Variants in LRP1 observed in about 807,000 individuals in gnomAD.
LRP1 encodes prolow-density lipoprotein receptor-related protein 1.
LRP1 carries 51 observed loss-of-function variants against 541.5 expected under a neutral mutation model. The observed-to-expected ratio is 0.09, with a 90% CI of 0.08 to 0.12. LRP1 has a LOEUF of 0.12. Ranked by LOEUF, LRP1 falls within the 10% of genes least tolerant of loss-of-function variation. The pLI is 1.00. For synonymous variants in LRP1, 2,219 were observed against 2,470.8 expected, an observed-to-expected ratio of 0.90 and a Z score of 3.02; for missense variants, 3,878 against 6,376.2, an observed-to-expected ratio of 0.61 and a Z score of 13.34.
chr12:57,154,746 A>C lies in LRP1; in HGVS notation c.1227+45A>C, dbSNP rs1401075550. ...AGGTTTTGTGGGGGAACCATGATCC[A>C]GGGCCTTCTGGTGAGGGGGGAAGCC... On this transcript the variant is annotated intron_variant, in intron 8 of 88. Transcript: ENST00000243077. This position sits in a 1 kb window ranked among gnomAD's most constrained non-coding sequence, Gnocchi z 4.6. 6.6e-7 allele frequency: 1 copy of C among 1,522,772 alleles called. No homozygotes were observed. Among genetic ancestry groups the C allele is most frequent in the Admixed American group, 2.0e-5 (1 of 50,968 alleles). The allele number at this position is 1,522,772 out of a possible 1,614,324, so 94.3% of individuals were successfully genotyped here.
chr12:57,132,516 G>A (rs78012789), intron 1 of LRP1, among the ~76,000 whole-genome samples: 1,581 of 152,278 alleles, frequency 0.01, 12 homozygotes, highest in Admixed American at 0.018. Flanking sequence ...CCTACTCTAG[G>A]CTCAGCGGGG....
intron 64 of LRP1, 68 bp downstream of exon 64, chr12:57,200,883 C>G (rs1280559531): frequency 1.5e-6 from 2 of 1,320,792 alleles, no homozygotes; most frequent in East Asian, 4.2e-5. Flanking sequence ...TTGGGGCTTT[C>G]AAGTGCAGGG....
intron 76 of LRP1, among the ~76,000 whole-genome samples, chr12:57,207,291 C>T (rs1321000060): frequency 4.0e-5 from 3 of 75,674 alleles, no homozygotes; most frequent in Admixed American, 1.9e-4. Flanking sequence ...AATAGAGACT[C>T]GGTCTCTAAA....
Position 57,184,764 on chromosome 12 carries a change from A to G in LRP1, c.6187-75A>G, listed in dbSNP as rs1592641278. ...CTGAGGGCCTCACTCTGGCCCAGGC[A>G]CTCCCTGCTGCCCCAGACATGGGGC... On this transcript the variant is annotated intron_variant, in intron 38 of 88. Coordinates refer to ENST00000243077, the MANE Select transcript of LRP1 (RefSeq NM_002332.3). The surrounding 1 kb of genome is among the most constrained non-coding windows in gnomAD (Gnocchi z 7.8). The G allele has an allele frequency of 6.6e-7, 1 of 1,512,654 alleles. No homozygotes were observed. Among genetic ancestry groups the G allele is most frequent in the South Asian group, 1.2e-5 (1 of 80,880 alleles). The allele number at this position is 1,512,654 out of a possible 1,614,324, so 93.7% of individuals were successfully genotyped here.
chr12:57,212,453 C>T lies in LRP1; in HGVS notation c.13533C>T (p.Tyr4511=). ...NFTNPVYATL[Y]MGGHGSRHSL... is the part of the protein sequence containing the mutation. ...CCAACCCCGTGTATGCCACACTCTA[C>T]ATGGGGGGCCATGGCAGTCGCCACT... Residue 4511 remains tyrosine, a synonymous_variant, in exon 89 of 89, where the codon TAC becomes TAT. Coordinates refer to ENST00000243077, the MANE Select transcript of LRP1 (RefSeq NM_002332.3). This position sits in a 1 kb window ranked among gnomAD's most constrained non-coding sequence, Gnocchi z 5.0. 3 of 1,614,158 alleles carry T rather than the reference C, an allele frequency of 1.9e-6. No individual in the cohort carries two copies. In the South Asian group the frequency reaches 3.3e-5, roughly 18 times the overall value.
In LRP1 at chr12:57,178,554, C is replaced by A; in HGVS notation, c.4557C>A (p.Asn1519Lys). ...GHNVTVVQRT[N>K]TQPFDLQVYH... ...ATGTCACCGTGGTACAGAGGACCAA[C>A]ACCCAGCCCTTTGACCTGCAGGTGT... The change falls in exon 27 of 89, where the codon AAC becomes AAA. Residue 1519 changes from asparagine to lysine, a missense_variant. Asn to Lys is a moderately conservative substitution (Grantham distance 94). Coordinates refer to ENST00000243077, the MANE Select transcript of LRP1 (RefSeq NM_002332.3). This position sits in a 1 kb window ranked among gnomAD's most constrained non-coding sequence, Gnocchi z 5.8. The A allele has an allele frequency of 1.2e-6, 2 of 1,614,228 alleles. No individual in the cohort carries two copies. Among genetic ancestry groups the A allele is most frequent in the Non-Finnish European group, 1.7e-6 (2 of 1,180,036 alleles).
In LRP1 at chr12:57,212,146, C is replaced by T. The variant is rs1448601011; in HGVS notation, c.13379C>T (p.Thr4460Ile). The T allele has an allele frequency of 6.2e-7, 1 of 1,614,010 alleles. No individual in the cohort carries two copies. The highest frequency in any genetic ancestry group is 1.1e-5 in the South Asian group (1 of 91,082). ...GAKGFQHQRM[T>I]NGAMNVEIGN... ...AAGGGCTTCCAGCACCAACGGATGA[C>T]CAACGGGGCCATGAACGTGGAGATT... The change falls in exon 88 of 89, where the codon ACC (threonine) becomes ATC (isoleucine). Residue 4460 changes from threonine to isoleucine, a missense_variant. By Grantham distance (89) the Thr-to-Ile change is moderately conservative. Around this residue, in one of 13 missense-constraint regions of LRP1, gnomAD observed 871 missense variants for 1,212.4 expected, o/e 0.72. Coordinates refer to ENST00000243077, the MANE Select transcript of LRP1 (RefSeq NM_002332.3). The surrounding 1 kb of genome is among the most constrained non-coding windows in gnomAD (Gnocchi z 5.0).
chr12:57,156,940 G>T lies in LRP1; in HGVS notation c.1561+20G>T. ...GCAAGAGTGAGTGACAGGGAAGGGG[G>T]TGTGTGCCCATTGGGAGGCTGCGGG... On this transcript the variant is annotated intron_variant, in intron 10 of 88. Coordinates refer to ENST00000243077, the MANE Select transcript of LRP1 (RefSeq NM_002332.3). The surrounding 1 kb of genome is among the most constrained non-coding windows in gnomAD (Gnocchi z 5.2). 1 of 1,552,368 alleles carries T rather than the reference G, an allele frequency of 6.4e-7. No homozygotes were observed. The highest frequency in any genetic ancestry group is 8.7e-7 in the Non-Finnish European group (1 of 1,145,716).
rs2036069244 is a variant in LRP1, at chr12:57,177,423, C to T, written c.4197-4C>T. ...AGCCCTCCTGACCCCTCCCCACTCC[C>T]CAGGATCCTGTTTTGGACAGACTGG... On this transcript the variant is annotated splice_region_variant and splice_polypyrimidine_tract_variant and intron_variant, in intron 25 of 88. Coordinates refer to ENST00000243077, the MANE Select transcript of LRP1 (RefSeq NM_002332.3). The surrounding 1 kb of genome is among the most constrained non-coding windows in gnomAD (Gnocchi z 6.8). 1.9e-6 allele frequency: 3 copies of T among 1,587,062 alleles called. No homozygotes were observed. Among genetic ancestry groups the T allele is most frequent in the Non-Finnish European group, 2.6e-6 (3 of 1,166,596 alleles).
Position 57,141,402 on chromosome 12 carries a change from G to A in LRP1, c.219G>A (p.Gln73=). The change falls in exon 3 of 89, where the codon CAG becomes CAA. Residue 73 remains glutamine, a synonymous_variant. Transcript: ENST00000243077. The part of the protein sequence containing the change: ...ICPQSKAQRC[Q]PNEHNCLGTE... ...CACAGAGTAAGGCCCAGCGATGCCA[G>A]CCAAACGAGCATAACTGCCTGGGTA... is the stretch of plus-strand genomic sequence containing the variant. 1 of 1,614,180 alleles carries A rather than the reference G, an allele frequency of 6.2e-7. No individual in the cohort carries two copies. The highest frequency in any genetic ancestry group is 8.5e-7 in the Non-Finnish European group (1 of 1,180,034).
chr12:57,198,076 G>A, intron 58 of LRP1, 80 bp from the exon 59 acceptor site: 2 of 1,261,372 alleles, frequency 1.6e-6, no homozygotes, highest in Non-Finnish European at 2.2e-6. Flanking sequence ...TTTTACACGA[G>A]GGGAGGCTGA....
Position 57,212,017 on chromosome 12 carries a change from G to A in LRP1, c.13349G>A (p.Gly4450Glu). The A allele has an allele frequency of 6.2e-7, 1 of 1,614,046 alleles. No homozygotes were observed. Among genetic ancestry groups the A allele is most frequent in the Non-Finnish European group, 8.5e-7 (1 of 1,179,996 alleles). The change falls in exon 87 of 89, where the codon GGG becomes GAG. Residue 4450 changes from glycine to glutamate, a missense_variant and splice_region_variant. By Grantham distance (98) the Gly-to-Glu change is moderately conservative. Transcript: ENST00000243077. The surrounding 1 kb of genome is among the most constrained non-coding windows in gnomAD (Gnocchi z 5.0). ...TTCTGGTATAAGCGGCGAGTCCAAG[G>A]GTGAGTCACAGGGATTCTGGAACAT... The part of the protein sequence containing the change: ...VVFWYKRRVQ[G>E]AKGFQHQRMT...
In LRP1 at chr12:57,200,769, C is replaced by T. The variant is rs139916336; in HGVS notation, c.10179C>T (p.Cys3393=). ...TCTGCACAAACCCTGCCTTCATCTG[C>T]GATGGCGACAATGACTGCCAGGACA... ...TGICTNPAFI[C]DGDNDCQDNS... The change falls in exon 64 of 89, where the codon TGC becomes TGT. Residue 3393 remains cysteine, a synonymous_variant. Transcript: ENST00000243077. 12,545 of 1,613,966 alleles carry T rather than the reference C, an allele frequency of 7.8e-3. 65 individuals carry two copies. Among genetic ancestry groups the T allele is most frequent in the Middle Eastern group, 0.011 (66 of 6,062 alleles).
At chr12:57,152,750 A>G (rs1057074346) in intron 6 of LRP1, among the ~76,000 whole-genome samples, 3 of 152,158 alleles carry the variant, frequency 2.0e-5, no homozygotes, top group Admixed American at 2.0e-4. Flanking sequence ...TTCTCCAGGC[A>G]TTGGGATGGG....
At chr12:57,181,341 C>A (rs751406208) in intron 34 of LRP1, 50 bp downstream of exon 34, 28 of 1,565,066 alleles carry the variant, frequency 1.8e-5, no homozygotes, top group Non-Finnish European at 2.3e-5. Flanking sequence ...CCAACCCTGA[C>A]CCCTCCTACC....
In LRP1 at chr12:57,162,178, T is replaced by C. The variant is rs1352027847; in HGVS notation, c.2203-139T>C. Reference sequence around the variant, plus strand: ...CCCACTGTGTGCAAAACTATCACTCTCTGGGGCTCCCAGGCTAATGGGGGA... The same window carrying C: ...CCCACTGTGTGCAAAACTATCACTCCCTGGGGCTCCCAGGCTAATGGGGGA... On this transcript the variant is annotated intron_variant, in intron 13 of 88. Transcript: ENST00000243077. The surrounding 1 kb of genome is among the most constrained non-coding windows in gnomAD (Gnocchi z 5.2). 5.5e-5 allele frequency: 41 copies of C among 746,168 alleles called. No individual in the cohort carries two copies. In the Admixed American group the frequency reaches 8.1e-4, roughly 15 times the overall value. The allele number at this position is 746,168 out of a possible 1,614,324, so 46.2% of individuals were successfully genotyped here.
At chr12:57,193,018 C>T in intron 45 of LRP1, 48 bp downstream of exon 45, 3 of 1,601,490 alleles carry the variant, frequency 1.9e-6, no homozygotes, top group Non-Finnish European at 2.6e-6. Context: ...AAGCACACAC[C>T]AGGGATGGTG....
At position 57,207,869 on chromosome 12, in the gene LRP1, G is replaced by A. The variant is rs573487983; in HGVS notation, c.11860-169G>A. Among the ~76,000 whole-genome samples, 5 of 152,386 alleles carry A rather than the reference G, an allele frequency of 3.3e-5. No individual in the cohort carries two copies. The South Asian group carries it at 1.0e-3, about 32-fold the overall frequency. Reference sequence around the variant, plus strand: ...TTCAGGGAGGGCTCACCAGCCACGTGTGAGAGCTGCGAGTCTGGCGCATAA... The same window carrying A: ...TTCAGGGAGGGCTCACCAGCCACGTATGAGAGCTGCGAGTCTGGCGCATAA... On this transcript the variant is annotated intron_variant, in intron 76 of 88. Coordinates refer to ENST00000243077, the MANE Select transcript of LRP1 (RefSeq NM_002332.3).
intron 33 of LRP1, 44 bp from the exon 34 acceptor site, chr12:57,181,113 G>A (rs746971942): frequency 6.3e-7 from 1 of 1,596,972 alleles, no homozygotes; most frequent in Non-Finnish European, 8.5e-7. Flanking sequence ...AGGTCCCAAG[G>A]AGGGCCACCT....
Sources: allele counts gnomAD v4.1 joint callset (sites outside exome capture counted in the v4.1 genomes callset), GRCh38; gene constraint gnomAD v4.1.1; regional missense constraint gnomAD v4.1.1; non-coding constraint Gnocchi (gnomAD v3.1); transcripts MANE v1.5; gene names NCBI Gene and HGNC (gene_info 2026-07-23, HGNC 2026-07-21).